The following ACSM2A variants were observed in gnomAD, a reference collection of about 807,000 sequenced individuals.
The protein encoded by ACSM2A is acyl-coenzyme A synthetase ACSM2A, mitochondrial.
A neutral mutation model predicts 76.6 loss-of-function variants in ACSM2A; 72 were observed. The observed-to-expected ratio is 0.94, with a 90% CI of 0.78 to 1.14. The LOEUF (loss-of-function observed/expected upper bound fraction) is 1.14, where lower values mean the gene tolerates loss of function less well. Ranked by LOEUF, ACSM2A falls within the 50% of genes most tolerant of loss-of-function variation. The probability of loss-of-function intolerance (pLI) is 0.00; values close to 1 mark genes in which losing one functional copy is unlikely to be tolerated. For missense variants in ACSM2A, 684 were observed against 708.5 expected, an observed-to-expected ratio of 0.97 and a Z score of 0.39; for synonymous variants, 249 against 255.9, an observed-to-expected ratio of 0.97 and a Z score of 0.26.
chr16:20,474,637 G>A (rs182532248), intron 6 of ACSM2A, among the ~76,000 whole-genome samples: 106 of 152,294 alleles, frequency 7.0e-4, no homozygotes, highest in Non-Finnish European at 1.3e-3. Flanking sequence ...AAAAGCATGG[G>A]ATGGAGATGG....
At chr16:20,479,546 CGTGA>C (rs1418287722) in intron 10 of ACSM2A, among the ~76,000 whole-genome samples, 1 of 152,060 alleles carries the variant, frequency 6.6e-6, no homozygotes, top group African/African-American at 2.4e-5. Flanking sequence ...AGTTGTGTGT[CGTGA>C]GTGTGTTAAA....
intron 5 of ACSM2A, 116 bp from the exon 6 acceptor site, chr16:20,471,420 C>T (rs1313832498): frequency 6.7e-7 from 1 of 1,500,068 alleles, no homozygotes; most frequent in East Asian, 2.3e-5. Flanking sequence ...AACCTGCAGG[C>T]AGATACACAC....
Position 20,457,028 on chromosome 16 carries a change from T to C in ACSM2A, c.-8-3079T>C, listed in dbSNP as rs765470131. Among the ~76,000 whole-genome samples, 4 of 152,014 alleles carry C rather than the reference T, an allele frequency of 2.6e-5. No homozygotes were observed. The East Asian group carries it at 7.7e-4, about 29-fold the overall frequency. On this transcript the variant is annotated intron_variant, in intron 1 of 13. Transcript: ENST00000573854. ...TCATTCAAGGCACTACAAACAGCTT[T>C]ATGCACATAAGCTAAAAAACTTGGA...
At chr16:20,465,781 T>G (rs568771290) in intron 3 of ACSM2A, 54 bp downstream of exon 3, 163 of 1,584,168 alleles carry the variant, frequency 1.0e-4, no homozygotes, top group African/African-American at 7.4e-4. Context: ...AGAAAACTGA[T>G]AGCAGAGAAA....
intron 8 of ACSM2A, 143 bp downstream of exon 8, chr16:20,475,916 A>G: frequency 6.7e-7 from 1 of 1,499,220 alleles, no homozygotes; most frequent in Non-Finnish European, 8.9e-7. Flanking sequence ...ACAGGTACTG[A>G]GTATTGAAAA....
intron 1 of ACSM2A, among the ~76,000 whole-genome samples, chr16:20,454,785 CA>C (rs1376242204): frequency 6.6e-6 from 1 of 151,512 alleles, no homozygotes; most frequent in African/African-American, 2.4e-5. Flanking sequence ...CACACTAGCT[CA>C]CCAGCAATGG....
intron 7 of ACSM2A, 79 bp downstream of exon 7, chr16:20,475,520 C>T: frequency 6.2e-7 from 1 of 1,604,558 alleles, no homozygotes; most frequent in Non-Finnish European, 8.5e-7. Context: ...GCCTATCTAT[C>T]TGAATCTCTC....
chr16:20,485,951 A>G (rs1859000), intron 13 of ACSM2A, among the ~76,000 whole-genome samples: 9,645 of 152,254 alleles, frequency 0.063, 649 homozygotes, highest in East Asian at 0.18. Context: ...TCAACTTCAA[A>G]CATTCCTTTT....
chr16:20,457,830 A>G (rs2012284006), intron 1 of ACSM2A, among the ~76,000 whole-genome samples: 1 of 152,068 alleles, frequency 6.6e-6, no homozygotes, highest in Non-Finnish European at 1.5e-5. Flanking sequence ...ATCAGACAAG[A>G]GAAAGAAATA....
At position 20,478,585 on chromosome 16, in the gene ACSM2A, GAT is replaced by G; in HGVS notation, c.1191_1192del (p.Asp397GlufsTer55). On this transcript the variant is annotated frameshift_variant, in exon 10 of 14. Coordinates refer to ENST00000573854, the MANE Select transcript of ACSM2A (RefSeq NM_001308172.2). LOFTEE classifies it high-confidence loss of function. ...CTGCTTCTTTCTCCAGATCATAGAT[GAT>G]AAGGGCAACGTCCTGCCCCCCGGCA... ...ASCYDVQIID[D>X]KGNVLPPGTE... 1.2e-6 allele frequency: 2 copies of G among 1,613,632 alleles called. No homozygotes were observed. Among genetic ancestry groups the G allele is most frequent in the Non-Finnish European group, 1.7e-6 (2 of 1,179,676 alleles).
intron 6 of ACSM2A, among the ~76,000 whole-genome samples, chr16:20,472,332 C>T (rs1370274678): frequency 2.0e-5 from 3 of 152,196 alleles, no homozygotes; most frequent in Non-Finnish European, 4.4e-5. Context: ...CCCTCTCTTC[C>T]TGGCTTGCTG....
intron 6 of ACSM2A, chr16:20,473,919 A>C (rs4447416): frequency 0.37 from 137,483 of 368,888 alleles, 30,149 homozygotes; most frequent in East Asian, 0.78. Context: ...CTCCACAATT[A>C]TTTATCTTAA....
intron 6 of ACSM2A, among the ~76,000 whole-genome samples, chr16:20,472,534 G>T (rs1400457172): frequency 6.6e-6 from 1 of 151,990 alleles, no homozygotes; most frequent in African/African-American, 2.4e-5. Context: ...GATTTAGGTG[G>T]GGACACAACA....
At chr16:20,485,735 T>C (rs2014348204) in intron 13 of ACSM2A, among the ~76,000 whole-genome samples, 1 of 152,246 alleles carries the variant, frequency 6.6e-6, no homozygotes, top group Admixed American at 6.5e-5. Context: ...AGAAGAATTC[T>C]TATATCAGCC....
In ACSM2A at chr16:20,470,843, A is replaced by C. The variant is rs1208306482; in HGVS notation, c.597-230A>C. 5.7e-6 allele frequency: 4 copies of C among 706,578 alleles called. No individual in the cohort carries two copies. The East Asian group carries it at 8.4e-5, about 15-fold the overall frequency. 43.8% of individuals were successfully genotyped at this position (706,578 alleles called of 1,614,324 possible). A position where few individuals can be genotyped will look rare whatever the true frequency, so the allele number is the denominator to read the frequency against. On this transcript the variant is annotated intron_variant, in intron 4 of 13. Transcript: ENST00000573854. The stretch of plus-strand genomic sequence containing the variant: ...ATAAAGTCAGACACAGAGACGTTAA[A>C]TAAGTAGTTTAAGGTTGCATTGATA...
chr16:20,478,768 G>A (rs2013914419), intron 10 of ACSM2A, 91 bp downstream of exon 10: 5 of 1,460,550 alleles, frequency 3.4e-6, no homozygotes, highest in Admixed American at 4.0e-5. Context: ...AAACTTCCAA[G>A]AGGCACTAGA....
chr16:20,477,582 G>C lies in ACSM2A; in HGVS notation c.1179+133G>C. Reference sequence around the variant, plus strand: ...TAAGATAACATAAGAAAAAAAGGAGGTAGGGAGGTTGGGGGAAGGAAAGAG... The same window carrying C: ...TAAGATAACATAAGAAAAAAAGGAGCTAGGGAGGTTGGGGGAAGGAAAGAG... On this transcript the variant is annotated intron_variant, in intron 9 of 13. Coordinates refer to ENST00000573854, the MANE Select transcript of ACSM2A (RefSeq NM_001308172.2). 2.1e-6 allele frequency: 3 copies of C among 1,439,954 alleles called. No individual in the cohort carries two copies. In the South Asian group the frequency reaches 5.2e-5, roughly 25 times the overall value. 89.2% of individuals were successfully genotyped at this position (1,439,954 alleles called of 1,614,324 possible).
In ACSM2A at chr16:20,465,731, G is replaced by A; in HGVS notation, c.388+4G>A. 1.2e-6 allele frequency: 2 copies of A among 1,613,066 alleles called. No individual in the cohort carries two copies. The highest frequency in any genetic ancestry group is 1.7e-6 in the Non-Finnish European group (2 of 1,179,228). On this transcript the variant is annotated splice_donor_region_variant and intron_variant, in intron 3 of 13. Transcript: ENST00000573854. ...ATCCTGGGCTGCATTCGAGCAGGTTGGTAACTGACTACCTGGACAGAGAAC... is the reference window on the plus strand; with the variant it reads ...ATCCTGGGCTGCATTCGAGCAGGTTAGTAACTGACTACCTGGACAGAGAAC...
At chr16:20,470,743 C>T (rs747789944) in intron 4 of ACSM2A, 4 of 506,742 alleles carry the variant, frequency 7.9e-6, no homozygotes, top group South Asian at 3.1e-5. Context: ...TTATTGAGTT[C>T]TTACTAAGCA....
Sources: gnomAD v4.1 joint callset for allele counts (sites outside exome capture counted in the v4.1 genomes callset) on GRCh38, gnomAD v4.1.1 for gene constraint, MANE v1.5 for transcripts, NCBI Gene and HGNC (gene_info 2026-07-23, HGNC 2026-07-21) for gene names.